Variants in MAGI2 observed in about 807,000 individuals in gnomAD.
MAGI2 encodes the protein membrane-associated guanylate kinase, WW and PDZ domain-containing protein 2.
In MAGI2, 35 loss-of-function variants were observed where a neutral mutation model predicts 133.3. The observed-to-expected ratio is 0.26, with a 90% CI of 0.20 to 0.35. MAGI2 has a LOEUF of 0.35. Ranked by LOEUF, MAGI2 falls within the 10% of genes least tolerant of loss-of-function variation. The pLI, the probability that MAGI2 is intolerant of heterozygous loss-of-function variation, is 1.00. For synonymous variants in MAGI2, 729 were observed against 710.6 expected (o/e 1.03, Z -0.41); for missense variants, 1,636 against 1,863.4 (o/e 0.88, Z 2.25).
At position 78,125,820 on chromosome 7, in the gene MAGI2, A is replaced by T. The variant is rs377195676; in HGVS notation, c.3441T>A (p.Thr1147=). Residue 1147 remains threonine (T), a synonymous_variant, in exon 20 of 22, where the codon ACT becomes ACA. Coordinates refer to ENST00000354212, the MANE Select transcript of MAGI2 (RefSeq NM_012301.4). ...YRQPQDFDYF[T]VDMEKGAKGF... is the part of the protein sequence containing the mutation. Reference sequence around the variant, plus strand: ...CTTTGGCTCCTTTCTCCATGTCCACAGTGAAATAATCAAAATCCTTTGGGG... The same window carrying T: ...CTTTGGCTCCTTTCTCCATGTCCACTGTGAAATAATCAAAATCCTTTGGGG... The T allele has an allele frequency of 8.7e-6, 14 of 1,614,024 alleles. No individual in the cohort carries two copies. Among genetic ancestry groups the T allele is most frequent in the African/African-American group, 1.3e-5 (1 of 74,922 alleles).
chr7:78,836,125 C>G (rs1293735425), intron 2 of MAGI2, among the ~76,000 whole-genome samples: 3 of 152,186 alleles, frequency 2.0e-5, no homozygotes. Context: ...GTGTTGGTAA[C>G]TAACTCCTAT....
intron 20 of MAGI2, among the ~76,000 whole-genome samples, chr7:78,079,432 G>C (rs1207850373): frequency 6.6e-6 from 1 of 152,164 alleles, no homozygotes; most frequent in African/African-American, 2.4e-5. Flanking sequence ...TGGCATCTTT[G>C]CTTTGAATCA....
At chr7:78,786,448 TA>T (rs985297346) in intron 2 of MAGI2, among the ~76,000 whole-genome samples, 13 of 152,196 alleles carry the variant, frequency 8.5e-5, no homozygotes, top group African/African-American at 2.7e-4. Flanking sequence ...GCCAATGTCA[TA>T]AAAGTGACAT....
intron 1 of MAGI2, among the ~76,000 whole-genome samples, chr7:79,024,897 T>C (rs1055876934): frequency 6.6e-6 from 1 of 152,148 alleles, no homozygotes; most frequent in Non-Finnish European, 1.5e-5. Context: ...ACTTATGCAT[T>C]GCTGCTGGGA....
intron 9 of MAGI2, among the ~76,000 whole-genome samples, chr7:78,312,407 G>T (rs186328758): frequency 6.6e-6 from 1 of 152,036 alleles, no homozygotes; most frequent in African/African-American, 2.4e-5. Context: ...ACCGCAAAAA[G>T]TATCATAAAA....
At chr7:78,945,442 G>A (rs1801341718) in intron 2 of MAGI2, among the ~76,000 whole-genome samples, 1 of 152,092 alleles carries the variant, frequency 6.6e-6, no homozygotes. Context: ...ATACATTGTG[G>A]AATACTTAAA....
At chr7:78,950,610 A>G (rs1801789562) in intron 2 of MAGI2, among the ~76,000 whole-genome samples, 1 of 152,102 alleles carries the variant, frequency 6.6e-6, no homozygotes, top group Admixed American at 6.6e-5. Context: ...ATCCAATTCC[A>G]CCTTCAGCAA....
At chr7:78,293,339 C>A (rs1347648694) in intron 9 of MAGI2, among the ~76,000 whole-genome samples, 1 of 152,160 alleles carries the variant, frequency 6.6e-6, no homozygotes, top group African/African-American at 2.4e-5. Context: ...AAAAAATGCT[C>A]ATCATCACTG....
chr7:79,105,993 CTT>C (rs1818419921), intron 1 of MAGI2, among the ~76,000 whole-genome samples: 1 of 152,230 alleles, frequency 6.6e-6, no homozygotes, highest in East Asian at 1.9e-4. Flanking sequence ...AAAATTCAGA[CTT>C]TTAGCATTAT....
intron 1 of MAGI2, among the ~76,000 whole-genome samples, chr7:79,132,308 C>T (rs1486649360): frequency 6.6e-6 from 1 of 152,026 alleles, no homozygotes; most frequent in Non-Finnish European, 1.5e-5. Context: ...CCACTCTCCC[C>T]CTTCTGAGTC....
chr7:78,743,382 A>T (rs1822610397), intron 2 of MAGI2, among the ~76,000 whole-genome samples: 1 of 152,236 alleles, frequency 6.6e-6, no homozygotes, highest in African/African-American at 2.4e-5. Context: ...TGAATCGTAC[A>T]ATAAAAATGC....
intron 1 of MAGI2, among the ~76,000 whole-genome samples, chr7:79,050,797 G>C (rs1024100009): frequency 6.6e-6 from 1 of 152,200 alleles, no homozygotes; most frequent in African/African-American, 2.4e-5. Context: ...CAACTTTCTT[G>C]TGTGCCTGAC....
intron 2 of MAGI2, among the ~76,000 whole-genome samples, chr7:78,858,672 C>G (rs1253045139): frequency 6.6e-6 from 1 of 152,150 alleles, no homozygotes; most frequent in Admixed American, 6.5e-5. Flanking sequence ...TTACTTCCAA[C>G]TATGTGGTCA....
At chr7:78,673,450 A>G (rs1256012485) in intron 2 of MAGI2, among the ~76,000 whole-genome samples, 1 of 152,046 alleles carries the variant, frequency 6.6e-6, no homozygotes, top group Non-Finnish European at 1.5e-5. Flanking sequence ...GTCACAGTCC[A>G]AGTACCAACA....
chr7:78,135,539 G>C (rs756641918), intron 16 of MAGI2, among the ~76,000 whole-genome samples: 3 of 152,130 alleles, frequency 2.0e-5, no homozygotes. Flanking sequence ...GGCAGGAGGC[G>C]AGGACCATGA....
intron 1 of MAGI2, among the ~76,000 whole-genome samples, chr7:79,122,274 C>T (rs984828296): frequency 9.9e-5 from 15 of 152,164 alleles, no homozygotes; most frequent in Non-Finnish European, 1.5e-5. Context: ...CAAAAAATCT[C>T]AGCCATACCT....
intron 3 of MAGI2, among the ~76,000 whole-genome samples, chr7:78,552,379 C>T (rs1228129265): frequency 6.6e-6 from 1 of 151,756 alleles, no homozygotes; most frequent in African/African-American, 2.4e-5. Context: ...GATGGGGTTT[C>T]ACCATGTTGG....
At chr7:79,232,112 T>C (rs1180023097) in intron 1 of MAGI2, among the ~76,000 whole-genome samples, 2 of 152,218 alleles carry the variant, frequency 1.3e-5, no homozygotes, top group African/African-American at 2.4e-5. Context: ...TTTGCGTATA[T>C]TGAACCAGCC....
intron 3 of MAGI2, among the ~76,000 whole-genome samples, chr7:78,604,544 T>C (rs1465166880): frequency 6.6e-6 from 1 of 152,192 alleles, no homozygotes; most frequent in Non-Finnish European, 1.5e-5. Flanking sequence ...ATCTCCCATG[T>C]GCCACACACT....
Sources: allele counts gnomAD v4.1 joint callset (sites outside exome capture counted in the v4.1 genomes callset), GRCh38; gene constraint gnomAD v4.1.1; transcripts MANE v1.5; gene names NCBI Gene and HGNC (gene_info 2026-07-23, HGNC 2026-07-21).